The following GORASP2 variants were observed in gnomAD, a reference collection of about 807,000 sequenced individuals.
GORASP2 encodes Golgi reassembly-stacking protein 2.
Under a neutral mutation model 45.7 loss-of-function variants are expected in GORASP2, and 22 were observed. The observed-to-expected ratio is 0.48, with a 90% CI of 0.34 to 0.69. The LOEUF (loss-of-function observed/expected upper bound fraction) is 0.69, where lower values mean the gene tolerates loss of function less well. Among genes scored for constraint, GORASP2 ranks in the 30% least tolerant of loss-of-function variants. The pLI, the probability that GORASP2 is intolerant of heterozygous loss-of-function variation, is 0.01. For synonymous variants in GORASP2, 221 were observed against 215.6 expected, an observed-to-expected ratio of 1.02 and a Z score of -0.22; for missense variants, 491 against 562.7, an observed-to-expected ratio of 0.87 and a Z score of 1.29.
rs151193968 is a variant in GORASP2, at chr2:170,934,158, T to C, written c.63+4755T>C. Among the ~76,000 whole-genome samples the C allele has an allele frequency of 8.8e-4, 134 of 152,282 alleles. 3 individuals are homozygous for C. The East Asian group carries it at 0.022, about 25-fold the overall frequency. On this transcript the variant is annotated intron_variant, in intron 1 of 9. Coordinates refer to ENST00000234160, the MANE Select transcript of GORASP2 (RefSeq NM_015530.5). The stretch of plus-strand genomic sequence containing the variant: ...TGATGGGATTTCAATTTAGTACTTA[T>C]TTTGAAAAAATTAATTTCTGATATT...
chr2:170,937,822 T>A (rs953002181), intron 1 of GORASP2, among the ~76,000 whole-genome samples: 2 of 152,074 alleles, frequency 1.3e-5, no homozygotes, highest in African/African-American at 4.8e-5. Context: ...CTAAAAAAAA[T>A]AAAGACAGAA....
At chr2:170,958,633 T>A (rs2105327028) in intron 7 of GORASP2, among the ~76,000 whole-genome samples, 1 of 149,222 alleles carries the variant, frequency 6.7e-6, no homozygotes, top group East Asian at 2.0e-4. Flanking sequence ...TGTTTTAGAG[T>A]AAGCGTGTTT....
intron 1 of GORASP2, among the ~76,000 whole-genome samples, chr2:170,936,076 A>G (rs1329574261): frequency 1.3e-5 from 2 of 152,164 alleles, no homozygotes; most frequent in Non-Finnish European, 2.9e-5. Flanking sequence ...TTTTATAAAA[A>G]TTGAGCTTAG....
intron 9 of GORASP2, 109 bp downstream of exon 9, chr2:170,963,055 T>C: frequency 1.4e-6 from 1 of 709,190 alleles, no homozygotes. Context: ...TTAACAGATT[T>C]CAGCTACTTC....
chr2:170,954,599 G>T, intron 5 of GORASP2, 51 bp from the exon 6 acceptor site: 26 of 1,403,362 alleles, frequency 1.9e-5, no homozygotes, highest in African/African-American at 2.9e-5. Flanking sequence ...ACACCTCAAA[G>T]AAATACAAGC....
chr2:170,942,547 G>A (rs2676156), intron 1 of GORASP2, among the ~76,000 whole-genome samples: 4,945 of 152,268 alleles, frequency 0.032, 282 homozygotes, highest in African/African-American at 0.11. Context: ...GTCATAGCGT[G>A]CATTGGTACT....
chr2:170,966,034 C>T lies in GORASP2; in HGVS notation c.1263C>T (p.Ala421=). The T allele has an allele frequency of 6.2e-7, 1 of 1,613,922 alleles. No homozygotes were observed. The highest frequency in any genetic ancestry group is 8.5e-7 in the Non-Finnish European group (1 of 1,179,876). The change falls in exon 10 of 10, where the codon GCC becomes GCT. Residue 421 remains alanine, a synonymous_variant. Transcript: ENST00000234160. ...TVDVTPPTAK[A]PTTVEDRVGD... Reference sequence around the variant, plus strand: ...ATGTGACGCCCCCCACTGCCAAGGCCCCCACCACCGTTGAGGACAGAGTCG... The same window carrying T: ...ATGTGACGCCCCCCACTGCCAAGGCTCCCACCACCGTTGAGGACAGAGTCG...
intron 7 of GORASP2, among the ~76,000 whole-genome samples, chr2:170,959,106 G>T (rs1384026786): frequency 6.6e-6 from 1 of 151,280 alleles, no homozygotes; most frequent in Non-Finnish European, 1.5e-5. Flanking sequence ...GACTACAGGC[G>T]CACGCCACCA....
At chr2:170,946,702 C>T (rs977471746) in intron 1 of GORASP2, among the ~76,000 whole-genome samples, 3 of 142,080 alleles carry the variant, frequency 2.1e-5, no homozygotes, top group South Asian at 2.2e-4. Context: ...GAGGCCGAGG[C>T]GGGCAGATCA....
chr2:170,959,276 G>A (rs531614114), intron 7 of GORASP2, among the ~76,000 whole-genome samples: 2 of 152,272 alleles, frequency 1.3e-5, no homozygotes, highest in South Asian at 4.1e-4. Context: ...ATGCGCTTCT[G>A]ATTTTAGGCG....
At chr2:170,958,474 C>T (rs1008812802) in intron 7 of GORASP2, among the ~76,000 whole-genome samples, 1 of 152,002 alleles carries the variant, frequency 6.6e-6, no homozygotes, top group African/African-American at 2.4e-5. Flanking sequence ...TTATTTCATT[C>T]AAGCAGTATG....
At chr2:170,949,422 CT>C in intron 2 of GORASP2, 116 bp from the exon 3 acceptor site, 1 of 666,660 alleles carries the variant, frequency 1.5e-6, no homozygotes. Context: ...TTGGTGAAAC[CT>C]TTGTTGAATG....
rs1447687986 is a variant in GORASP2, at chr2:170,950,222, C to A, written c.367C>A (p.Pro123Thr). ...WHVLEVESNS[P>T]AALAGLRPHS... ...ATTCTAGGAGGTGGAATCAAATTCT[C>A]CTGCAGCACTGGCAGGTCTTAGACC... The change falls in exon 4 of 10, where the codon CCT becomes ACT. Residue 123 changes from proline (P) to threonine (T), a missense_variant. Pro to Thr is a conservative substitution (Grantham distance 38, BLOSUM62 -1). Coordinates refer to ENST00000234160, the MANE Select transcript of GORASP2 (RefSeq NM_015530.5). 1 of 1,563,488 alleles carries A rather than the reference C, an allele frequency of 6.4e-7. No individual in the cohort carries two copies.
intron 9 of GORASP2, 52 bp from the exon 10 acceptor site, chr2:170,965,738 G>C: frequency 8.1e-7 from 1 of 1,235,286 alleles, no homozygotes; most frequent in South Asian, 1.2e-5. Flanking sequence ...GACAATGCCT[G>C]CTGTCCTTTC....
At chr2:170,962,104 G>T (rs553346594) in intron 8 of GORASP2, among the ~76,000 whole-genome samples, 2 of 152,240 alleles carry the variant, frequency 1.3e-5, no homozygotes, top group Non-Finnish European at 2.9e-5. Flanking sequence ...GCAGTCATTC[G>T]TGTGAGCCTG....
chr2:170,943,571 G>A (rs1184116998), intron 1 of GORASP2, among the ~76,000 whole-genome samples: 1 of 152,198 alleles, frequency 6.6e-6, no homozygotes, highest in African/African-American at 2.4e-5. Flanking sequence ...ACTTTACCAA[G>A]CTCACACAGC....
At position 170,947,468 on chromosome 2, in the gene GORASP2, C is replaced by T. The variant is rs189539143; in HGVS notation, c.64-882C>T. Among the ~76,000 whole-genome samples, 471 of 152,320 alleles carry T rather than the reference C, an allele frequency of 3.1e-3. 4 individuals carry two copies. The highest frequency in any genetic ancestry group is 0.011 in the African/African-American group (443 of 41,572). On this transcript the variant is annotated intron_variant, in intron 1 of 9. Transcript: ENST00000234160. ...CACAATTCCTTATCACTTTTTATGT[C>T]TGAAGCTTCTTCAGTCAGAATTAAT... is the stretch of plus-strand genomic sequence containing the variant.
intron 1 of GORASP2, among the ~76,000 whole-genome samples, chr2:170,937,480 T>C (rs1409422048): frequency 1.3e-5 from 2 of 152,120 alleles, no homozygotes; most frequent in Non-Finnish European, 2.9e-5. Flanking sequence ...GGACTATAGC[T>C]GTGAGCCACA....
chr2:170,931,606 TTGAC>T (rs1703824677), intron 1 of GORASP2, among the ~76,000 whole-genome samples: 2 of 152,364 alleles, frequency 1.3e-5, no homozygotes, highest in South Asian at 4.1e-4. Context: ...CTTAATATGA[TTGAC>T]TGGGTTTTGA....
Sources: gnomAD v4.1 joint callset for allele counts (sites outside exome capture counted in the v4.1 genomes callset) on GRCh38, gnomAD v4.1.1 for gene constraint, MANE v1.5 for transcripts, NCBI Gene and HGNC (gene_info 2026-07-23, HGNC 2026-07-21) for gene names.